The following DAB1 variants were observed in gnomAD, a reference collection of about 807,000 sequenced individuals.
DAB1 encodes DAB adaptor protein 1.
A neutral mutation model predicts 64.6 loss-of-function variants in DAB1; 15 were observed. The ratio of observed to expected loss-of-function variants is 0.23; its 90% CI spans 0.16 to 0.36. The LOEUF (loss-of-function observed/expected upper bound fraction) is 0.36. Ranked by LOEUF, DAB1 falls within the 10% of genes least tolerant of loss-of-function variation. The pLI is 1.00. For synonymous variants in DAB1, 235 were observed against 251.9 expected, an observed-to-expected ratio of 0.93 and a Z score of 0.64; for missense variants, 596 against 706.7, an observed-to-expected ratio of 0.84 and a Z score of 1.78.
At chr1:57,631,010 T>G (rs950686541) in intron 7 of DAB1, among the ~76,000 whole-genome samples, 3 of 152,158 alleles carry the variant, frequency 2.0e-5, no homozygotes, top group Non-Finnish European at 4.4e-5. Flanking sequence ...GAAAACAGAA[T>G]ATGAATGTGA....
At chr1:58,475,666 G>A (rs1265997676) in intron 3 of DAB1, among the ~76,000 whole-genome samples, 1 of 152,164 alleles carries the variant, frequency 6.6e-6, no homozygotes, top group Non-Finnish European at 1.5e-5. Flanking sequence ...ATGAAGACAT[G>A]TTAGAATATA....
At chr1:58,446,988 C>G (rs1645074801) in intron 3 of DAB1, among the ~76,000 whole-genome samples, 1 of 152,188 alleles carries the variant, frequency 6.6e-6, no homozygotes, top group Non-Finnish European at 1.5e-5. Flanking sequence ...CCTCATGGTC[C>G]CTACTGAACA....
chr1:57,087,681 T>C (rs1187077067), intron 4 of DAB1, among the ~76,000 whole-genome samples: 3 of 152,216 alleles, frequency 2.0e-5, no homozygotes, highest in African/African-American at 7.2e-5. Context: ...GTTGAGCCAC[T>C]GAAGGACTGG....
intron 6 of DAB1, among the ~76,000 whole-genome samples, chr1:57,820,019 A>G (rs1652046838): frequency 6.6e-6 from 1 of 152,190 alleles, no homozygotes; most frequent in African/African-American, 2.4e-5. Flanking sequence ...GTATTTCCAC[A>G]TCCATTATCT....
At chr1:58,150,857 G>A (rs1259265242) in intron 4 of DAB1, among the ~76,000 whole-genome samples, 7 of 151,452 alleles carry the variant, frequency 4.6e-5, no homozygotes, top group African/African-American at 1.2e-4. Flanking sequence ...CTCACCCCAC[G>A]ACAAGCCCTG....
intron 9 of DAB1, among the ~76,000 whole-genome samples, chr1:57,058,109 G>C: frequency 6.6e-6 from 1 of 152,176 alleles, no homozygotes; most frequent in East Asian, 1.9e-4. Flanking sequence ...TTTGCCTGAT[G>C]CTGAGTTCCT....
At chr1:57,954,283 C>A (rs560457255) in intron 5 of DAB1, among the ~76,000 whole-genome samples, 4 of 152,246 alleles carry the variant, frequency 2.6e-5, no homozygotes, top group Admixed American at 2.6e-4. Context: ...CATACAGAAG[C>A]ACCAATCATA....
Position 57,869,580 on chromosome 1 carries a change from C to T in DAB1, n.87+14419G>A, listed in dbSNP as rs1188693819. The stretch of plus-strand genomic sequence containing the variant: ...AGGATAAAAATGGCTTGTCCACAGC[C>T]GCACAAGGTAATAGAAGTCAAAGTC... On this transcript the variant is annotated intron_variant and non_coding_transcript_variant, in intron 1 of 1. Coordinates refer to the DAB1 transcript ENST00000477280. Among the ~76,000 whole-genome samples, 5 of 152,016 alleles carry T rather than the reference C, an allele frequency of 3.3e-5. No homozygotes were observed. The East Asian group carries it at 9.7e-4, about 29-fold the overall frequency.
At chr1:57,648,304 G>C (rs987466265) in intron 7 of DAB1, among the ~76,000 whole-genome samples, 1 of 152,078 alleles carries the variant, frequency 6.6e-6, no homozygotes, top group Non-Finnish European at 1.5e-5. Flanking sequence ...AGGAGGAGGC[G>C]AGTGTCCCCC....
intron 1 of DAB1, among the ~76,000 whole-genome samples, chr1:57,837,351 C>T (rs773417415): frequency 6.6e-6 from 1 of 152,182 alleles, no homozygotes; most frequent in Non-Finnish European, 1.5e-5. Flanking sequence ...ACCCTTGCCC[C>T]ATGCTTTCTA....
chr1:58,473,398 C>T (rs180765966), intron 3 of DAB1, among the ~76,000 whole-genome samples: 3,259 of 151,800 alleles, frequency 0.021, 125 homozygotes, highest in African/African-American at 0.072. Flanking sequence ...AAAAATTAGC[C>T]GGGCGCGGTG....
At chr1:57,439,995 G>C (rs1308310967) in intron 7 of DAB1, among the ~76,000 whole-genome samples, 1 of 152,008 alleles carries the variant, frequency 6.6e-6, no homozygotes, top group Non-Finnish European at 1.5e-5. Flanking sequence ...ATATGCCCCT[G>C]ATAATACCAT....
chr1:57,621,787 G>A (rs1042002553), intron 7 of DAB1, among the ~76,000 whole-genome samples: 1 of 152,186 alleles, frequency 6.6e-6, no homozygotes, highest in African/African-American at 2.4e-5. Context: ...CATTTGTATG[G>A]TTTCATTGCC....
intron 4 of DAB1, among the ~76,000 whole-genome samples, chr1:57,113,044 G>T (rs1198040552): frequency 6.6e-6 from 1 of 152,144 alleles, no homozygotes; most frequent in Non-Finnish European, 1.5e-5. Flanking sequence ...GGAGGAAAAA[G>T]GGGGTGAACA....
chr1:58,201,855 C>A (rs771859889), intron 4 of DAB1, among the ~76,000 whole-genome samples: 3 of 152,026 alleles, frequency 2.0e-5, no homozygotes, highest in Non-Finnish European at 4.4e-5. Context: ...GTACCCCTAC[C>A]CTGAAATGGG....
chr1:58,040,154 A>G (rs138822155), intron 5 of DAB1, among the ~76,000 whole-genome samples: 3 of 152,206 alleles, frequency 2.0e-5, no homozygotes, highest in Admixed American at 2.0e-4. Flanking sequence ...CATGTTAAGT[A>G]TAGGTCCATA....
At chr1:57,550,724 G>A (rs1041162257) in intron 7 of DAB1, among the ~76,000 whole-genome samples, 1 of 152,018 alleles carries the variant, frequency 6.6e-6, no homozygotes, top group Non-Finnish European at 1.5e-5. Context: ...CCCTGAGTGC[G>A]TTACTTTCTT....
At chr1:58,397,247 G>A (rs1401606940) in intron 3 of DAB1, among the ~76,000 whole-genome samples, 8 of 152,088 alleles carry the variant, frequency 5.3e-5, no homozygotes, top group African/African-American at 1.9e-4. Flanking sequence ...CCCATACTCG[G>A]CCCAGGCACA....
intron 3 of DAB1, among the ~76,000 whole-genome samples, chr1:58,458,254 G>T (rs1645210080): frequency 1.3e-5 from 2 of 152,194 alleles, no homozygotes; most frequent in African/African-American, 4.8e-5. Flanking sequence ...CGACAGAACA[G>T]TCCCATTGTC....
Sources: gnomAD v4.1 joint callset for allele counts (sites outside exome capture counted in the v4.1 genomes callset) on GRCh38, gnomAD v4.1.1 for gene constraint, MANE v1.5 for transcripts, NCBI Gene and HGNC (gene_info 2026-07-23, HGNC 2026-07-21) for gene names.